BMPR1A: variants seen among roughly 807,000 people sequenced by gnomAD.
BMPR1A encodes the protein bone morphogenetic protein receptor type-1A.
BMPR1A carries 7 observed loss-of-function variants against 66.0 expected under a neutral mutation model. The ratio of observed to expected loss-of-function variants is 0.11; its 90% confidence interval spans 0.06 to 0.20. The LOEUF is 0.20. Among genes scored for constraint, BMPR1A ranks in the 10% least tolerant of loss-of-function variants. The probability of loss-of-function intolerance (pLI) is 1.00; values close to 1 mark genes in which losing one functional copy is unlikely to be tolerated. For missense variants in BMPR1A, 408 were observed against 669.1 expected (o/e 0.61, Z 4.31); for synonymous variants, 200 against 229.7 (o/e 0.87, Z 1.17).
chr10:86,770,313 G>T (rs373716041), intron 1 of BMPR1A, among the ~76,000 whole-genome samples: 1 of 152,294 alleles, frequency 6.6e-6, no homozygotes, highest in East Asian at 1.9e-4. Context: ...TTGGGCAACT[G>T]AGGCAGGAGG....
intron 7 of BMPR1A, among the ~76,000 whole-genome samples, chr10:86,903,263 G>A (rs897555850): frequency 6.6e-6 from 1 of 152,134 alleles, no homozygotes. Context: ...ATAGACCTTA[G>A]AATTAGCAAT....
intron 1 of BMPR1A, among the ~76,000 whole-genome samples, chr10:86,798,745 G>A (rs1347771446): frequency 1.3e-5 from 2 of 152,238 alleles, no homozygotes; most frequent in African/African-American, 4.8e-5. Flanking sequence ...ACACCTTGGT[G>A]AAAGCTATCC....
intron 1 of BMPR1A, among the ~76,000 whole-genome samples, chr10:86,829,002 C>T (rs1334926673): frequency 1.3e-5 from 2 of 152,040 alleles, no homozygotes; most frequent in South Asian, 2.1e-4. Flanking sequence ...CAGTCTGTTG[C>T]GGGTGCCACA....
At chr10:86,892,290 T>C (rs947259814) in intron 5 of BMPR1A, 61 bp downstream of exon 5, 1 of 1,327,978 alleles carries the variant, frequency 7.5e-7, no homozygotes, top group Non-Finnish European at 1.1e-6. Context: ...AAGCATCGAT[T>C]TCCCCCAGGA....
At chr10:86,928,188 A>G (rs1459221864), downstream of BMPR1A, 1 of 153,758 alleles carries the variant, frequency 6.5e-6, no homozygotes, top group Non-Finnish European at 1.4e-5. Context: ...TTTTTCCTTT[A>G]AAAAACAAGA....
chr10:86,819,488 A>G (rs1340166030), intron 1 of BMPR1A, among the ~76,000 whole-genome samples: 2 of 151,992 alleles, frequency 1.3e-5, no homozygotes, highest in African/African-American at 4.8e-5. Context: ...TTTAGTAGAG[A>G]TGGGGTTTCA....
At chr10:86,876,581 A>G (rs1230730090) in intron 3 of BMPR1A, among the ~76,000 whole-genome samples, 1 of 152,190 alleles carries the variant, frequency 6.6e-6, no homozygotes, top group Non-Finnish European at 1.5e-5. Flanking sequence ...CAGGAGTTCA[A>G]GACCAGCCTG....
At chr10:86,865,891 G>A (rs1444224685) in intron 2 of BMPR1A, among the ~76,000 whole-genome samples, 1 of 152,208 alleles carries the variant, frequency 6.6e-6, no homozygotes, top group Non-Finnish European at 1.5e-5. Context: ...CCTGAGGGGA[G>A]TGCAAAGCTG....
intron 2 of BMPR1A, among the ~76,000 whole-genome samples, chr10:86,848,704 T>C (rs1176971415): frequency 6.6e-6 from 1 of 152,228 alleles, no homozygotes; most frequent in East Asian, 1.9e-4. Context: ...TTAGGAGCAG[T>C]AGGAACACAT....
chr10:86,864,873 T>C (rs922341233), intron 2 of BMPR1A, among the ~76,000 whole-genome samples: 13 of 151,984 alleles, frequency 8.6e-5, no homozygotes, highest in African/African-American at 2.2e-4. Context: ...TACCACAAGA[T>C]CTCCCTTCAG....
chr10:86,791,885 CTTTT>C (rs548020994), intron 1 of BMPR1A, among the ~76,000 whole-genome samples: 4 of 137,486 alleles, frequency 2.9e-5, no homozygotes, highest in African/African-American at 1.1e-4. Flanking sequence ...CCATGCCTGG[CTTTT>C]TTTTTTTTGC....
rs527829936 is a variant in BMPR1A, at chr10:86,852,120, T to TAAA, written c.-153+13153_-153+13155dup. The stretch of plus-strand genomic sequence containing the variant: ...AGTCTGAAATACCCCTCACAACTGT[T>TAAA]AAAAAAAAAAAAAAGTTCTTTCAAG... On this transcript the variant is annotated intron_variant, in intron 2 of 12. Coordinates refer to ENST00000372037, the MANE Select transcript of BMPR1A (RefSeq NM_004329.3). Among the ~76,000 whole-genome samples the TAAA allele has an allele frequency of 7.7e-5, 11 of 142,940 alleles. No homozygotes were observed. In the East Asian group the frequency reaches 1.4e-3, roughly 19 times the overall value. 93.8% of individuals were successfully genotyped at this position (142,940 alleles called of 152,430 possible). A position where few individuals can be genotyped will look rare whatever the true frequency, so the allele number is the denominator to read the frequency against.
intron 1 of BMPR1A, among the ~76,000 whole-genome samples, chr10:86,778,466 G>A (rs1243726706): frequency 1.3e-5 from 2 of 151,796 alleles, no homozygotes; most frequent in Non-Finnish European, 2.9e-5. Flanking sequence ...TTTTATGTGT[G>A]GTCCAAGACA....
intron 5 of BMPR1A, among the ~76,000 whole-genome samples, chr10:86,895,102 C>T (rs1466133384): frequency 3.3e-5 from 5 of 152,130 alleles, no homozygotes; most frequent in African/African-American, 1.2e-4. Flanking sequence ...TAGGCTATGT[C>T]GGGATATCAA....
intron 10 of BMPR1A, 83 bp from the exon 11 acceptor site, chr10:86,921,437 C>A: frequency 6.3e-7 from 1 of 1,579,738 alleles, no homozygotes; most frequent in Non-Finnish European, 8.7e-7. Flanking sequence ...GAAAAAGAAG[C>A]TTTTATAAAA....
chr10:86,761,602 C>T (rs953764643), intron 1 of BMPR1A, among the ~76,000 whole-genome samples: 36 of 152,204 alleles, frequency 2.4e-4, no homozygotes, highest in African/African-American at 8.2e-4. Flanking sequence ...ACTATTGGAA[C>T]GCTAAGCACG....
chr10:86,883,847 T>A (rs1367739349), intron 3 of BMPR1A, among the ~76,000 whole-genome samples: 1 of 149,882 alleles, frequency 6.7e-6, no homozygotes, highest in Non-Finnish European at 1.5e-5. Flanking sequence ...AGTTCAACAG[T>A]GTAAACTTTG....
At chr10:86,896,366 A>T (rs1490879653) in intron 5 of BMPR1A, among the ~76,000 whole-genome samples, 2 of 152,116 alleles carry the variant, frequency 1.3e-5, no homozygotes, top group Non-Finnish European at 2.9e-5. Context: ...TAACATATAT[A>T]TTGTTTTGAT....
intron 8 of BMPR1A, among the ~76,000 whole-genome samples, chr10:86,915,988 C>G (rs1056591218): frequency 2.0e-5 from 3 of 152,070 alleles, no homozygotes; most frequent in Non-Finnish European, 4.4e-5. Context: ...GGAATTCAAG[C>G]AAATATATAT....
Sources: allele counts gnomAD v4.1 joint callset (sites outside exome capture counted in the v4.1 genomes callset), GRCh38; gene constraint gnomAD v4.1.1; transcripts MANE v1.5; gene names NCBI Gene and HGNC (gene_info 2026-07-23, HGNC 2026-07-21).